Variants in APP observed in about 807,000 individuals in gnomAD.
The protein encoded by APP is amyloid beta precursor protein.
Under a neutral mutation model 101.4 loss-of-function variants are expected in APP, and 31 were observed. The observed-to-expected ratio is 0.31, with a 90% CI of 0.23 to 0.41. APP has a LOEUF of 0.41. Ranked by LOEUF, APP falls within the 10% of genes least tolerant of loss-of-function variation. The pLI, the probability that APP is intolerant of heterozygous loss-of-function variation, is 1.00. For synonymous variants in APP, 366 were observed against 364.4 expected, an observed-to-expected ratio of 1.00 and a Z score of -0.05; for missense variants, 839 against 1,003.7, an observed-to-expected ratio of 0.84 and a Z score of 2.22.
intron 14 of APP, among the ~76,000 whole-genome samples, chr21:25,911,268 A>G (rs1371529168): frequency 1.3e-5 from 2 of 152,236 alleles, no homozygotes; most frequent in African/African-American, 2.4e-5. Flanking sequence ...GAAAATAAAA[A>G]TTAGAAGAAT....
intron 1 of APP, among the ~76,000 whole-genome samples, chr21:26,161,285 T>A (rs1264641176): frequency 6.6e-6 from 1 of 152,250 alleles, no homozygotes; most frequent in Non-Finnish European, 1.5e-5. Context: ...GTAGTAAATA[T>A]ATAGTTCCTT....
At chr21:26,038,490 G>A (rs192945708) in intron 5 of APP, among the ~76,000 whole-genome samples, 98 of 152,258 alleles carry the variant, frequency 6.4e-4, no homozygotes, top group Non-Finnish European at 1.1e-3. Context: ...CCCAGCTGGC[G>A]CGGTGTCTCA....
intron 3 of APP, among the ~76,000 whole-genome samples, chr21:26,070,259 G>A (rs1242042860): frequency 1.3e-5 from 2 of 152,120 alleles, no homozygotes; most frequent in Admixed American, 6.6e-5. Flanking sequence ...CTGTTACCAC[G>A]CCTCTGTGGA....
At chr21:26,008,731 AAG>A (rs1265677150) in intron 6 of APP, among the ~76,000 whole-genome samples, 1 of 152,218 alleles carries the variant, frequency 6.6e-6, no homozygotes, top group Non-Finnish European at 1.5e-5. Context: ...GGGAGACTGT[AAG>A]AGTTTTTCGG....
chr21:26,140,379 G>A (rs1437365384), intron 1 of APP: 34 of 1,471,022 alleles, frequency 2.3e-5, no homozygotes, highest in Non-Finnish European at 3.0e-5. Context: ...GCACAGCAAG[G>A]CTGTGCTATT....
chr21:26,031,644 C>T (rs997099509), intron 5 of APP, among the ~76,000 whole-genome samples: 1 of 152,166 alleles, frequency 6.6e-6, no homozygotes, highest in African/African-American at 2.4e-5. Flanking sequence ...TCTTGTGAGA[C>T]TTATTCATTA....
chr21:26,090,062 T>C lies in APP; in HGVS notation c.236A>G (p.Glu79Gly). The C allele has an allele frequency of 6.2e-7, 1 of 1,614,126 alleles. No individual in the cohort carries two copies. Among genetic ancestry groups the C allele is most frequent in the Non-Finnish European group, 8.5e-7 (1 of 1,179,994 alleles). The change falls in exon 3 of 18, where the codon GAA (glutamate) becomes GGA (glycine). Residue 79 changes from glutamate (E) to glycine (G), a missense_variant. Glu to Gly is a moderately conservative substitution (Grantham distance 98). Transcript: ENST00000346798. ...TTCTACCACATTGGTGATCTGCAGT[T>C]CAGGGTAGACCTGGGAGAGCACACA... ...ILQYCQEVYP[E>G]LQITNVVEAN...
intron 8 of APP, among the ~76,000 whole-genome samples, chr21:25,993,622 C>G (rs189808525): frequency 6.6e-6 from 1 of 152,202 alleles, no homozygotes; most frequent in Non-Finnish European, 1.5e-5. Context: ...AAACATCTGT[C>G]GAGAATTGGA....
intron 13 of APP, among the ~76,000 whole-genome samples, chr21:25,935,839 C>CAAAAA (rs67114400): frequency 3.9e-5 from 3 of 77,028 alleles, no homozygotes; most frequent in African/African-American, 1.1e-4. Flanking sequence ...GACTCTGTCT[C>CAAAAA]AAAAAAAAAA....
rs867920060 is a variant in APP at position 25,993,409 on chromosome 21, G to C, written c.1090+3951C>G. On this transcript the variant is annotated intron_variant, in intron 8 of 17. Coordinates refer to ENST00000346798, the MANE Select transcript of APP (RefSeq NM_000484.4). ...GATTCTAGGAAACTAAGATGAAACA[G>C]AGAGGAGAAAGGGGTGGTGCATAGG... Among the ~76,000 whole-genome samples, 2 of 152,278 alleles carry C rather than the reference G, an allele frequency of 1.3e-5. 1 individual carries two copies.
chr21:25,954,611 C>T lies in APP; in HGVS notation c.1666G>A (p.Glu556Lys), dbSNP rs760615902. Reference sequence around the variant, plus strand: ...TTACCAACTTCATCCTGAATCTCCTCGGCCACTGCAGGCACGTTGTAGAGC... The same window carrying T: ...TTACCAACTTCATCCTGAATCTCCTTGGCCACTGCAGGCACGTTGTAGAGC... ...SLLYNVPAVA[E>K]EIQDEVDELL... is the part of the protein sequence containing the mutation. Residue 556 changes from glutamate (E) to lysine (K), a missense_variant, in exon 13 of 18, where the codon GAG (glutamate) becomes AAG (lysine). Physicochemically the swap from Glu to Lys is moderately conservative, Grantham distance 56 (BLOSUM62 1). Transcript: ENST00000346798. 2.4e-5 allele frequency: 39 copies of T among 1,613,888 alleles called. No individual in the cohort carries two copies. The Middle Eastern group carries it at 4.9e-4, about 20-fold the overall frequency.
chr21:26,091,820 A>C (rs537839314), intron 2 of APP, among the ~76,000 whole-genome samples: 1 of 152,296 alleles, frequency 6.6e-6, no homozygotes, highest in Admixed American at 6.5e-5. Flanking sequence ...CTCTAGGGGC[A>C]ACGCTGTGAG....
chr21:25,946,997 G>C (rs1372943515), intron 13 of APP, among the ~76,000 whole-genome samples: 1 of 152,126 alleles, frequency 6.6e-6, no homozygotes, highest in Non-Finnish European at 1.5e-5. Context: ...ATTATTCCTA[G>C]AAAGTGTATT....
At chr21:25,948,366 A>C (rs767213445) in intron 13 of APP, among the ~76,000 whole-genome samples, 13 of 152,206 alleles carry the variant, frequency 8.5e-5, no homozygotes, top group Admixed American at 4.6e-4. Context: ...TGAAATAACC[A>C]TGCTGCATTT....
intron 6 of APP, among the ~76,000 whole-genome samples, chr21:26,016,222 G>A (rs1322257496): frequency 3.3e-5 from 5 of 151,990 alleles, no homozygotes; most frequent in Admixed American, 6.6e-5. Context: ...TAGTGAAGAC[G>A]GGGTTTCACC....
intron 3 of APP, among the ~76,000 whole-genome samples, chr21:26,086,561 G>GT (rs2061708968): frequency 5.5e-4 from 2 of 3,638 alleles, no homozygotes; most frequent in East Asian, 0.011. Flanking sequence ...TGCTAGGTCA[G>GT]TAAAAAAAAA....
At chr21:25,942,752 CAT>C (rs1316135586) in intron 13 of APP, 2 of 152,102 alleles carry the variant, frequency 1.3e-5, no homozygotes, top group Admixed American at 1.3e-4. Flanking sequence ...TATGAATATA[CAT>C]ATATATATCC....
intron 1 of APP, among the ~76,000 whole-genome samples, chr21:26,166,782 T>C (rs1442940445): frequency 6.6e-6 from 1 of 152,064 alleles, no homozygotes; most frequent in East Asian, 1.9e-4. Context: ...TGGTCCTGCA[T>C]TCAGCCCCTT....
intron 3 of APP, among the ~76,000 whole-genome samples, chr21:26,084,460 CA>C (rs1473698385): frequency 6.6e-6 from 1 of 152,142 alleles, no homozygotes; most frequent in Non-Finnish European, 1.5e-5. Context: ...AAGACAGTCT[CA>C]ATCTCCTGAC....
Sources: allele counts gnomAD v4.1 joint callset (sites outside exome capture counted in the v4.1 genomes callset), GRCh38; gene constraint gnomAD v4.1.1; transcripts MANE v1.5; gene names NCBI Gene and HGNC (gene_info 2026-07-23, HGNC 2026-07-21).